The following NRXN3 variants were observed in gnomAD, a reference collection of about 807,000 sequenced individuals.
The protein encoded by NRXN3 is neurexin III.
A neutral mutation model predicts 137.6 loss-of-function variants in NRXN3; 32 were observed. The observed-to-expected ratio is 0.23, with a 90% CI of 0.18 to 0.31. The LOEUF is 0.31. Among genes scored for constraint, NRXN3 ranks in the 10% least tolerant of loss-of-function variants. The probability of loss-of-function intolerance (pLI) is 1.00; values close to 1 mark genes in which losing one functional copy is unlikely to be tolerated. For synonymous variants in NRXN3, 798 were observed against 784.5 expected, an observed-to-expected ratio of 1.02 and a Z score of -0.29; for missense variants, 1,574 against 2,062.5, an observed-to-expected ratio of 0.76 and a Z score of 4.59.
chr14:78,861,409 CTTTTTCT>C (rs1393540117), intron 10 of NRXN3, among the ~76,000 whole-genome samples: 10 of 152,052 alleles, frequency 6.6e-5, no homozygotes, highest in African/African-American at 2.4e-4. Flanking sequence ...TTCAAAGATG[CTTTTTCT>C]TTTTTCTTGG....
chr14:78,614,176 G>A (rs1482735805), intron 4 of NRXN3, among the ~76,000 whole-genome samples: 1 of 152,190 alleles, frequency 6.6e-6, no homozygotes, highest in Non-Finnish European at 1.5e-5. Context: ...GAACACACAG[G>A]TGAGGGAGAG....
intron 10 of NRXN3, among the ~76,000 whole-genome samples, chr14:78,903,860 T>C (rs1030851839): frequency 1.4e-4 from 21 of 152,088 alleles, no homozygotes; most frequent in African/African-American, 5.1e-4. Flanking sequence ...CGTTTCTTGC[T>C]TTGTTAGTAG....
chr14:78,338,208 A>C (rs1597478706), intron 4 of NRXN3, among the ~76,000 whole-genome samples: 1 of 152,246 alleles, frequency 6.6e-6, no homozygotes, highest in Admixed American at 6.5e-5. Flanking sequence ...TCAAAGCAAC[A>C]CCATCTGACA....
In NRXN3 at chr14:78,735,903, A is replaced by T. The variant is rs527680660; in HGVS notation, c.2044+20764A>T. On this transcript the variant is annotated intron_variant, in intron 8 of 20. Coordinates refer to ENST00000335750, the MANE Select transcript of NRXN3 (RefSeq NM_001330195.2). ...CTAGAGAGGGAAATGTATCTAAGAC[A>T]TCCCCATTAGATGGAAAACTGTGAC... Among the ~76,000 whole-genome samples, 8 of 152,312 alleles carry T rather than the reference A, an allele frequency of 5.3e-5. No homozygotes were observed. In the East Asian group the frequency reaches 1.5e-3, roughly 29 times the overall value.
chr14:78,613,785 C>T (rs1459313920), intron 4 of NRXN3, among the ~76,000 whole-genome samples: 1 of 151,980 alleles, frequency 6.6e-6, no homozygotes, highest in Non-Finnish European at 1.5e-5. Context: ...GAAATCCTAA[C>T]AGAACATACA....
At chr14:78,816,053 A>G (rs1205108434) in intron 10 of NRXN3, among the ~76,000 whole-genome samples, 1 of 152,124 alleles carries the variant, frequency 6.6e-6, no homozygotes, top group Non-Finnish European at 1.5e-5. Flanking sequence ...GGTATGTTTT[A>G]TATTTCTTGT....
intron 2 of NRXN3, among the ~76,000 whole-genome samples, chr14:78,248,264 G>A (rs921405983): frequency 1.4e-5 from 2 of 140,436 alleles, no homozygotes; most frequent in Non-Finnish European, 1.5e-5. Context: ...TAAGCACACC[G>A]TTGTGTGGTC....
At chr14:78,230,448 T>TG (rs2065243295) in intron 1 of NRXN3, among the ~76,000 whole-genome samples, 1 of 152,042 alleles carries the variant, frequency 6.6e-6, no homozygotes, top group Admixed American at 6.6e-5. Flanking sequence ...ATGGAGAGGC[T>TG]GGGGTGACAT....
At chr14:78,895,770 A>G (rs998695393) in intron 10 of NRXN3, among the ~76,000 whole-genome samples, 3 of 151,840 alleles carry the variant, frequency 2.0e-5, no homozygotes, top group African/African-American at 7.2e-5. Context: ...TTGTGGGAGT[A>G]TTAATTGGCC....
intron 2 of NRXN3, among the ~76,000 whole-genome samples, chr14:78,257,506 A>G (rs1166802861): frequency 6.6e-6 from 1 of 152,230 alleles, no homozygotes; most frequent in East Asian, 1.9e-4. Flanking sequence ...TGTGCACTTG[A>G]AGTGAGAGTT....
intron 15 of NRXN3, among the ~76,000 whole-genome samples, chr14:79,205,884 G>C (rs1397637739): frequency 6.6e-6 from 1 of 152,120 alleles, no homozygotes; most frequent in Non-Finnish European, 1.5e-5. Flanking sequence ...TTCAAACACA[G>C]TGTTTAAAAG....
intron 20 of NRXN3, among the ~76,000 whole-genome samples, chr14:79,851,654 C>T (rs917221248): frequency 4.6e-5 from 7 of 152,100 alleles, no homozygotes; most frequent in African/African-American, 9.7e-5. Flanking sequence ...CTTTGTGGTT[C>T]GCCTACCTGG....
At chr14:78,220,893 AAGG>A (rs1169435897) in intron 1 of NRXN3, among the ~76,000 whole-genome samples, 1 of 152,142 alleles carries the variant, frequency 6.6e-6, no homozygotes, top group Admixed American at 6.5e-5. Flanking sequence ...TTCAGTAAAA[AAGG>A]AGCCCCTGTG....
intron 4 of NRXN3, among the ~76,000 whole-genome samples, chr14:78,317,190 A>G (rs1258941006): frequency 2.0e-5 from 3 of 152,180 alleles, no homozygotes; most frequent in Non-Finnish European, 4.4e-5. Flanking sequence ...CAGAGAAAGC[A>G]TATTCCCCTT....
intron 15 of NRXN3, among the ~76,000 whole-genome samples, chr14:79,198,173 A>G (rs1055832818): frequency 1.3e-5 from 2 of 152,240 alleles, no homozygotes; most frequent in East Asian, 1.9e-4. Flanking sequence ...TGTGATTTAT[A>G]TGAAATGGAA....
chr14:78,204,637 T>C (rs2062010139), intron 1 of NRXN3, among the ~76,000 whole-genome samples: 1 of 152,144 alleles, frequency 6.6e-6, no homozygotes, highest in Non-Finnish European at 1.5e-5. Flanking sequence ...ATGTATATTA[T>C]GATCTAAATT....
intron 15 of NRXN3, among the ~76,000 whole-genome samples, chr14:79,057,448 T>C (rs187724196): frequency 8.8e-4 from 134 of 152,332 alleles, no homozygotes; most frequent in Middle Eastern, 3.4e-3. Flanking sequence ...CTTCATATTC[T>C]ACGACTGAAA....
At chr14:78,354,624 TG>T in intron 4 of NRXN3, among the ~76,000 whole-genome samples, 1 of 152,328 alleles carries the variant, frequency 6.6e-6, no homozygotes, top group Middle Eastern at 3.4e-3. Flanking sequence ...TTTGGATACA[TG>T]AAGAGTTCTA....
intron 1 of NRXN3, among the ~76,000 whole-genome samples, chr14:78,222,729 T>G (rs982904961): frequency 3.6e-4 from 55 of 151,892 alleles, no homozygotes; most frequent in African/African-American, 1.3e-3. Context: ...ACAAGAAAGG[T>G]GGATGAGGTG....
Sources: allele counts gnomAD v4.1 joint callset (sites outside exome capture counted in the v4.1 genomes callset), GRCh38; gene constraint gnomAD v4.1.1; transcripts MANE v1.5; gene names NCBI Gene and HGNC (gene_info 2026-07-23, HGNC 2026-07-21).